DYM: variants seen among roughly 807,000 people sequenced by gnomAD.
The protein encoded by DYM is dyggve-Melchior-Clausen syndrome protein.
In DYM, 78 loss-of-function variants were observed where a neutral mutation model predicts 93.1. That is an observed-to-expected ratio of 0.84 (90% confidence interval 0.70 to 1.01). DYM has a LOEUF of 1.01. DYM is among the 50% of genes least tolerant of loss of function. The probability of loss-of-function intolerance (pLI) is 0.00; values close to 1 mark genes in which losing one functional copy is unlikely to be tolerated. For missense variants in DYM, 789 were observed against 845.0 expected (o/e 0.93, Z 0.82); for synonymous variants, 321 against 319.7 (o/e 1.00, Z -0.04).
chr18:49,333,650 T>C (rs1242189976), intron 7 of DYM, 78 bp downstream of exon 7: 4 of 1,454,742 alleles, frequency 2.7e-6, no homozygotes, highest in Admixed American at 3.4e-5. Context: ...TATGGGACGA[T>C]ACTCAGGTAA....
intron 5 of DYM, among the ~76,000 whole-genome samples, chr18:49,377,349 C>T (rs776940561): frequency 6.6e-6 from 1 of 152,080 alleles, no homozygotes; most frequent in Non-Finnish European, 1.5e-5. Flanking sequence ...CACTTGAGGT[C>T]AGGAGTTCAA....
intron 1 of DYM, among the ~76,000 whole-genome samples, chr18:49,436,649 T>C (rs942775206): frequency 6.6e-6 from 1 of 152,186 alleles, no homozygotes; most frequent in African/African-American, 2.4e-5. Flanking sequence ...GCAGTTAGGA[T>C]TGTAGGTCTA....
intron 11 of DYM, among the ~76,000 whole-genome samples, chr18:49,259,236 G>A (rs1257452415): frequency 6.6e-6 from 1 of 152,152 alleles, no homozygotes; most frequent in Non-Finnish European, 1.5e-5. Context: ...CCACCACCTT[G>A]CAAAACAAGT....
rs964824999 is a variant in DYM, at chr18:49,426,696, A to G, written c.140+3559T>C. ...ATAAAACCATAAGGACCACTATCCA[A>G]AACTTGCTGAACTGGGTATCAAAAA... is the stretch of plus-strand genomic sequence containing the variant. On this transcript the variant is annotated intron_variant, in intron 2 of 17. Transcript: ENST00000675505. Among the ~76,000 whole-genome samples, 7 of 152,008 alleles carry G rather than the reference A, an allele frequency of 4.6e-5. 1 individual carries two copies. The South Asian group carries it at 1.2e-3, about 27-fold the overall frequency.
chr18:49,350,132 C>T (rs2064980400), intron 6 of DYM, among the ~76,000 whole-genome samples: 1 of 152,078 alleles, frequency 6.6e-6, no homozygotes, highest in Non-Finnish European at 1.5e-5. Flanking sequence ...TTAAAATGTG[C>T]ACAATTAATG....
chr18:49,074,415 G>A (rs979738366), intron 17 of DYM, among the ~76,000 whole-genome samples: 1 of 152,136 alleles, frequency 6.6e-6, no homozygotes, highest in Non-Finnish European at 1.5e-5. Flanking sequence ...AGCATCTGTG[G>A]ATTTTGGTAT....
chr18:49,263,411 G>A (rs998633903), intron 11 of DYM, among the ~76,000 whole-genome samples: 12 of 145,946 alleles, frequency 8.2e-5, no homozygotes, highest in Admixed American at 1.4e-4. Flanking sequence ...GAGCCACCAC[G>A]CCTGGCTTGA....
chr18:49,212,482 T>G (rs1391926366), intron 13 of DYM, among the ~76,000 whole-genome samples: 1 of 152,142 alleles, frequency 6.6e-6, no homozygotes, highest in African/African-American at 2.4e-5. Flanking sequence ...TGAAAATTAT[T>G]TGCACTATTT....
intron 5 of DYM, among the ~76,000 whole-genome samples, chr18:49,363,778 G>A (rs1355393062): frequency 6.6e-6 from 1 of 152,098 alleles, no homozygotes; most frequent in Non-Finnish European, 1.5e-5. Context: ...ATGAGTCAAA[G>A]GTAAAAGGGC....
At chr18:49,201,834 A>G (rs2092014789) in intron 14 of DYM, among the ~76,000 whole-genome samples, 1 of 152,168 alleles carries the variant, frequency 6.6e-6, no homozygotes, top group South Asian at 2.1e-4. Flanking sequence ...ATCGCTTTTT[A>G]TATGTTACTA....
At chr18:49,292,613 A>AC (rs1568188947) in intron 8 of DYM, among the ~76,000 whole-genome samples, 5 of 139,084 alleles carry the variant, frequency 3.6e-5, no homozygotes, top group African/African-American at 1.1e-4. Flanking sequence ...AAAAAAAAAA[A>AC]AAAAAAAAAA....
chr18:49,335,085 C>T (rs533735314), intron 6 of DYM, among the ~76,000 whole-genome samples: 10 of 151,354 alleles, frequency 6.6e-5, no homozygotes, highest in Non-Finnish European at 8.8e-5. Context: ...CCAGCCTTGG[C>T]GATAAGAGCG....
At chr18:49,112,652 G>A (rs1734987668) in intron 16 of DYM, among the ~76,000 whole-genome samples, 1 of 152,064 alleles carries the variant, frequency 6.6e-6, no homozygotes, top group South Asian at 2.1e-4. Flanking sequence ...CCACTGTAGG[G>A]AATTTATTTT....
At chr18:49,441,206 A>T (rs2081504585) in intron 1 of DYM, among the ~76,000 whole-genome samples, 1 of 39,626 alleles carries the variant, frequency 2.5e-5, no homozygotes, top group African/African-American at 9.8e-5. Context: ...ATTATATATT[A>T]TATATATTAT....
At chr18:49,314,598 C>T (rs2061809742) in intron 8 of DYM, among the ~76,000 whole-genome samples, 1 of 152,238 alleles carries the variant, frequency 6.6e-6, no homozygotes, top group Non-Finnish European at 1.5e-5. Context: ...GGCACACTGC[C>T]TTCTTTCATA....
chr18:49,308,730 G>A (rs930645960), intron 8 of DYM, among the ~76,000 whole-genome samples: 1 of 152,110 alleles, frequency 6.6e-6, no homozygotes, highest in East Asian at 1.9e-4. Flanking sequence ...ACGGGAAGGG[G>A]AAAAGAACAG....
At chr18:49,084,688 A>G (rs1363098193) in intron 17 of DYM, among the ~76,000 whole-genome samples, 1 of 152,216 alleles carries the variant, frequency 6.6e-6, no homozygotes, top group African/African-American at 2.4e-5. Flanking sequence ...ACTGTGAACT[A>G]TTTATGTAAT....
intron 10 of DYM, among the ~76,000 whole-genome samples, chr18:49,278,380 G>A (rs979068152): frequency 1.3e-5 from 2 of 152,282 alleles, no homozygotes; most frequent in South Asian, 2.1e-4. Flanking sequence ...AATACCAGCC[G>A]AATCTCTGTT....
chr18:49,404,198 G>C (rs1002799934), intron 2 of DYM, among the ~76,000 whole-genome samples: 1 of 152,028 alleles, frequency 6.6e-6, no homozygotes, highest in Non-Finnish European at 1.5e-5. Flanking sequence ...AGTAGAAATG[G>C]GGTTTCACCA....
Sources: gnomAD v4.1 joint callset for allele counts (sites outside exome capture counted in the v4.1 genomes callset) on GRCh38, gnomAD v4.1.1 for gene constraint, MANE v1.5 for transcripts, NCBI Gene and HGNC (gene_info 2026-07-23, HGNC 2026-07-21) for gene names.